Variants in PPP4R4 observed in about 807,000 individuals in gnomAD.
PPP4R4 encodes the protein serine/threonine-protein phosphatase 4 regulatory subunit 4.
Under a neutral mutation model 121.8 loss-of-function variants are expected in PPP4R4, and 70 were observed. That is an observed-to-expected ratio of 0.57 (90% CI 0.47 to 0.70). PPP4R4 has a LOEUF of 0.70. PPP4R4 is among the 30% of genes least tolerant of loss of function. The pLI is 0.00. For synonymous variants in PPP4R4, 348 were observed against 355.7 expected, an observed-to-expected ratio of 0.98 and a Z score of 0.24; for missense variants, 875 against 1,033.6, an observed-to-expected ratio of 0.85 and a Z score of 2.10.
At chr14:94,205,247 A>C (rs1477947739) in intron 2 of PPP4R4, among the ~76,000 whole-genome samples, 1 of 152,144 alleles carries the variant, frequency 6.6e-6, no homozygotes, top group East Asian at 1.9e-4. Context: ...CATTCAGATT[A>C]TCTCTTTCAT....
intron 2 of PPP4R4, among the ~76,000 whole-genome samples, chr14:94,201,102 CATT>C (rs1890155404): frequency 6.6e-6 from 1 of 152,132 alleles, no homozygotes; most frequent in South Asian, 2.1e-4. Context: ...TTCAGGAACA[CATT>C]ATTAAATTTC....
chr14:94,198,777 A>G (rs1890010382), intron 2 of PPP4R4, among the ~76,000 whole-genome samples: 1 of 152,160 alleles, frequency 6.6e-6, no homozygotes, highest in Non-Finnish European at 1.5e-5. Flanking sequence ...TGTTGAAAAG[A>G]TTATCATCTC....
At chr14:94,182,230 A>C (rs149262957) in intron 2 of PPP4R4, among the ~76,000 whole-genome samples, 28 of 152,296 alleles carry the variant, frequency 1.8e-4, no homozygotes, top group African/African-American at 6.5e-4. Flanking sequence ...TGAATTTGGA[A>C]TATCAGTTAA....
At chr14:94,262,836 C>G (rs988928505) in intron 19 of PPP4R4, among the ~76,000 whole-genome samples, 2 of 151,940 alleles carry the variant, frequency 1.3e-5, no homozygotes, top group Non-Finnish European at 2.9e-5. Flanking sequence ...TTTTCTTTAT[C>G]TAAAATGTCT....
chr14:94,177,279 G>T (rs1170953355), intron 2 of PPP4R4, among the ~76,000 whole-genome samples: 1 of 152,132 alleles, frequency 6.6e-6, no homozygotes, highest in East Asian at 1.9e-4. Context: ...CCTCTTTGGG[G>T]TATCTGTGGT....
intron 5 of PPP4R4, among the ~76,000 whole-genome samples, chr14:94,231,721 T>C (rs1031841547): frequency 6.6e-6 from 1 of 152,182 alleles, no homozygotes; most frequent in Non-Finnish European, 1.5e-5. Flanking sequence ...TATTTTACTA[T>C]TGAATAGGAC....
intron 5 of PPP4R4, among the ~76,000 whole-genome samples, chr14:94,232,560 CAT>C (rs1404772834): frequency 6.6e-6 from 1 of 152,150 alleles, no homozygotes; most frequent in Non-Finnish European, 1.5e-5. Context: ...TATTATTTAA[CAT>C]GTGGTTTCAA....
intron 8 of PPP4R4, among the ~76,000 whole-genome samples, chr14:94,239,920 A>G (rs1892538913): frequency 6.6e-6 from 1 of 152,202 alleles, no homozygotes; most frequent in South Asian, 2.1e-4. Flanking sequence ...TGTTGAATGA[A>G]TGTCATTTAA....
intron 2 of PPP4R4, among the ~76,000 whole-genome samples, chr14:94,201,095 A>G (rs1890154904): frequency 6.6e-6 from 1 of 152,176 alleles, no homozygotes; most frequent in African/African-American, 2.4e-5. Flanking sequence ...ATGATCATTC[A>G]GGAACACATT....
At chr14:94,243,236 A>G (rs918998513) in intron 11 of PPP4R4, among the ~76,000 whole-genome samples, 1 of 152,092 alleles carries the variant, frequency 6.6e-6, no homozygotes, top group Non-Finnish European at 1.5e-5. Context: ...TTCTGGTATG[A>G]AAATATATAT....
At chr14:94,185,458 G>A (rs973640810) in intron 2 of PPP4R4, among the ~76,000 whole-genome samples, 2 of 152,132 alleles carry the variant, frequency 1.3e-5, no homozygotes, top group African/African-American at 4.8e-5. Context: ...AGGAAGCCAC[G>A]AGTGTGCCAC....
intron 24 of PPP4R4, among the ~76,000 whole-genome samples, chr14:94,276,710 A>C (rs1360720423): frequency 6.6e-6 from 1 of 152,176 alleles, no homozygotes; most frequent in Non-Finnish European, 1.5e-5. Context: ...ACAATTCAAC[A>C]TGAGATTTGG....
chr14:94,241,647 A>G (rs942475919), intron 9 of PPP4R4, 141 bp from the exon 10 acceptor site: 7 of 633,278 alleles, frequency 1.1e-5, no homozygotes, highest in East Asian at 8.9e-5. Flanking sequence ...TACTCTTTTC[A>G]TGTTCCTTTT....
chr14:94,176,891 A>G (rs1388101117), intron 2 of PPP4R4, among the ~76,000 whole-genome samples: 1 of 152,138 alleles, frequency 6.6e-6, no homozygotes, highest in African/African-American at 2.4e-5. Context: ...CCTTTTGGCA[A>G]ATTAGTCACT....
intron 3 of PPP4R4, among the ~76,000 whole-genome samples, chr14:94,219,893 T>G (rs1055568717): frequency 6.6e-6 from 1 of 152,074 alleles, no homozygotes; most frequent in African/African-American, 2.4e-5. Context: ...CCCAACAGTT[T>G]TAGTCTAGTC....
chr14:94,265,292 A>G, intron 20 of PPP4R4, 95 bp from the exon 21 acceptor site: 4 of 841,488 alleles, frequency 4.8e-6, no homozygotes, highest in Non-Finnish European at 7.8e-6. Context: ...TTAGCTAGGG[A>G]TAGTGATTCA....
At chr14:94,202,270 C>T (rs182084652) in intron 2 of PPP4R4, among the ~76,000 whole-genome samples, 2 of 152,164 alleles carry the variant, frequency 1.3e-5, no homozygotes, top group East Asian at 3.9e-4. Flanking sequence ...ATTCATATAA[C>T]CAAACACCAC....
In PPP4R4 at chr14:94,267,023, C is replaced by G; in HGVS notation, c.2443C>G (p.Leu815Val). 1 of 1,588,420 alleles carries G rather than the reference C, an allele frequency of 6.3e-7. No homozygotes were observed. The highest frequency in any genetic ancestry group is 8.6e-7 in the Non-Finnish European group (1 of 1,159,560). Residue 815 changes from leucine to valine, a missense_variant, in exon 23 of 25, where the codon CTA becomes GTA. Leu to Val is a conservative substitution (Grantham distance 32). Coordinates refer to ENST00000304338, the MANE Select transcript of PPP4R4 (RefSeq NM_058237.2). ...SGLGKTSVLSLADDSFRTRNA... is the reference protein window; with the variant it reads ...SGLGKTSVLSVADDSFRTRNA... The stretch of plus-strand genomic sequence containing the variant: ...GTTAGGAAAGACTTCTGTGCTTTCA[C>G]TAGCTGGTAAGTAGCAATCTAAGTT...
intron 9 of PPP4R4, among the ~76,000 whole-genome samples, 155 bp from the exon 10 acceptor site, chr14:94,241,633 C>T (rs1892641023): frequency 1.3e-5 from 2 of 152,040 alleles, no homozygotes; most frequent in South Asian, 4.1e-4. Context: ...AGATTCCTAA[C>T]AGATACTCTT....
Sources: gnomAD v4.1 joint callset for allele counts (sites outside exome capture counted in the v4.1 genomes callset) on GRCh38, gnomAD v4.1.1 for gene constraint, MANE v1.5 for transcripts, NCBI Gene and HGNC (gene_info 2026-07-23, HGNC 2026-07-21) for gene names.